Variants in ROBO2 observed in about 807,000 individuals in gnomAD.
ROBO2 encodes the protein roundabout guidance receptor 2.
In ROBO2, 53 loss-of-function variants were observed where a neutral mutation model predicts 160.8. That is an observed-to-expected ratio of 0.33 (90% CI 0.26 to 0.41). ROBO2 has a LOEUF of 0.41. ROBO2 is among the 10% of genes least tolerant of loss of function. The pLI is 1.00. For missense variants in ROBO2, 1,577 were observed against 1,722.4 expected, an observed-to-expected ratio of 0.92 and a Z score of 1.49; for synonymous variants, 664 against 611.7, an observed-to-expected ratio of 1.09 and a Z score of -1.26.
At chr3:76,913,352 TAA>T (rs2076107824) in intron 2 of ROBO2, among the ~76,000 whole-genome samples, 1 of 152,204 alleles carries the variant, frequency 6.6e-6, no homozygotes, top group Non-Finnish European at 1.5e-5. Context: ...CAAGCCATTC[TAA>T]GGGCATAGCA....
exon 14 of ROBO2, chr3:77,574,575 C>T (rs1220003348): frequency 1.9e-6 from 3 of 1,613,422 alleles, no homozygotes; most frequent in Non-Finnish European, 2.5e-6. Context: ...GCGACATCTT[C>T]GTGGCAGAAT....
intron 2 of ROBO2, among the ~76,000 whole-genome samples, chr3:76,889,297 A>G (rs193016565): frequency 3.3e-5 from 5 of 152,348 alleles, no homozygotes; most frequent in Admixed American, 2.6e-4. Flanking sequence ...GATTCAAAAT[A>G]TAGGCATTAT....
chr3:76,078,759 T>TA (rs2068724432), intron 2 of ROBO2, among the ~76,000 whole-genome samples: 1 of 152,140 alleles, frequency 6.6e-6, no homozygotes, highest in Admixed American at 6.5e-5. Flanking sequence ...AAGCTTGCCA[T>TA]ATGTAATTGG....
At chr3:76,753,421 T>C (rs2060789408) in intron 2 of ROBO2, among the ~76,000 whole-genome samples, 1 of 151,898 alleles carries the variant, frequency 6.6e-6, no homozygotes, top group South Asian at 2.1e-4. Flanking sequence ...CAATAATGTA[T>C]GAATCCAATA....
In ROBO2 at chr3:77,636,580, A is replaced by AG. The variant is rs2095267649; in HGVS notation, c.3934+1538dup. ...GCACTCCAGCCTGGGCAACAGAGCA[A>AG]GACTCCTTCTTAAAAAAAAAAAGAA... On this transcript the variant is annotated intron_variant, in intron 24 of 25. Coordinates refer to ENST00000461745, the Ensembl canonical transcript of ROBO2. 2.6e-5 allele frequency among the ~76,000 whole-genome samples: 4 copies of AG among 152,220 alleles called. No individual in the cohort carries two copies. The South Asian group carries it at 8.3e-4, about 32-fold the overall frequency.
At chr3:77,607,903 C>A in exon 21 of ROBO2, 2 of 1,613,952 alleles carry the variant, frequency 1.2e-6, no homozygotes, top group East Asian at 4.5e-5. Flanking sequence ...CCAGTCCAGC[C>A]CCTTCCTGGC....
intron 2 of ROBO2, among the ~76,000 whole-genome samples, chr3:76,669,047 T>C (rs2092163381): frequency 1.3e-5 from 2 of 152,054 alleles, no homozygotes; most frequent in African/African-American, 4.8e-5. Context: ...CAAGAAGATA[T>C]TGTACTCTTT....
At chr3:76,877,103 T>C (rs1316087638) in intron 2 of ROBO2, among the ~76,000 whole-genome samples, 2 of 152,224 alleles carry the variant, frequency 1.3e-5, no homozygotes, top group African/African-American at 4.8e-5. Context: ...ATTACACAAA[T>C]GTTTTGTACA....
intron 2 of ROBO2, among the ~76,000 whole-genome samples, chr3:77,410,980 T>C (rs1289537228): frequency 1.3e-5 from 2 of 152,012 alleles, no homozygotes; most frequent in Non-Finnish European, 2.9e-5. Context: ...TTTTTAAAAA[T>C]GTTTTGCAGA....
intron 2 of ROBO2, among the ~76,000 whole-genome samples, chr3:77,411,096 C>A (rs2076764750): frequency 6.6e-6 from 1 of 152,132 alleles, no homozygotes; most frequent in Non-Finnish European, 1.5e-5. Context: ...GCATGAGCTA[C>A]CACAAACAGC....
chr3:76,932,411 C>CTTAGAA (rs1322948485), intron 2 of ROBO2, among the ~76,000 whole-genome samples: 1 of 141,182 alleles, frequency 7.1e-6, no homozygotes, highest in African/African-American at 2.6e-5. Context: ...TGATTGCATG[C>CTTAGAA]ATATGTTTAG....
chr3:77,228,677 T>C (rs2086789626), intron 2 of ROBO2, among the ~76,000 whole-genome samples: 1 of 152,028 alleles, frequency 6.6e-6, no homozygotes, highest in South Asian at 2.1e-4. Flanking sequence ...ACATGGCACA[T>C]GTATACCTAT....
intron 1 of ROBO2, among the ~76,000 whole-genome samples, chr3:77,089,698 A>G (rs2150007032): frequency 6.6e-6 from 1 of 152,334 alleles, no homozygotes; most frequent in South Asian, 2.1e-4. Context: ...GCAAATTTCA[A>G]ATGGATAAAA....
At chr3:76,875,948 C>G (rs923613606) in intron 2 of ROBO2, among the ~76,000 whole-genome samples, 12 of 152,070 alleles carry the variant, frequency 7.9e-5, no homozygotes, top group African/African-American at 2.9e-4. Flanking sequence ...GCTACCACAC[C>G]TAGCCCTGCC....
At chr3:77,187,075 G>A (rs2081352324) in intron 2 of ROBO2, among the ~76,000 whole-genome samples, 1 of 151,940 alleles carries the variant, frequency 6.6e-6, no homozygotes, top group South Asian at 2.1e-4. Context: ...GAAGACAAAT[G>A]AAAACGAAGA....
chr3:76,450,755 A>G (rs2077431231), intron 2 of ROBO2, among the ~76,000 whole-genome samples: 2 of 152,202 alleles, frequency 1.3e-5, no homozygotes, highest in African/African-American at 4.8e-5. Context: ...AACACTAAAA[A>G]AATTTGCAAA....
At chr3:77,360,928 G>T (rs1161085869) in intron 2 of ROBO2, among the ~76,000 whole-genome samples, 1 of 150,884 alleles carries the variant, frequency 6.6e-6, no homozygotes, top group African/African-American at 2.4e-5. Context: ...TTAGTTTCTT[G>T]TTGGTAGTGA....
intron 2 of ROBO2, among the ~76,000 whole-genome samples, chr3:77,366,302 C>T (rs572938329): frequency 3.8e-4 from 58 of 152,136 alleles, no homozygotes; most frequent in African/African-American, 1.2e-3. Flanking sequence ...AAACCTATTC[C>T]TCAATTTGAT....
At position 76,467,661 on chromosome 3, in the gene ROBO2, C is replaced by A. The variant is rs532358029; in HGVS notation, c.109+530059C>A. Among the ~76,000 whole-genome samples the A allele has an allele frequency of 2.0e-5, 3 of 152,148 alleles. No homozygotes were observed. The East Asian group carries it at 5.8e-4, about 29-fold the overall frequency. Reference sequence around the variant, plus strand: ...AAGTTCTATCTAGCTGGTGTCATTACAAGATGGAGGAAGGAAGCCTGAAGT... The same window carrying A: ...AAGTTCTATCTAGCTGGTGTCATTAAAAGATGGAGGAAGGAAGCCTGAAGT... On this transcript the variant is annotated intron_variant, in intron 2 of 26. Coordinates refer to the ROBO2 transcript ENST00000487694.
Sources: allele counts gnomAD v4.1 joint callset (sites outside exome capture counted in the v4.1 genomes callset), GRCh38; gene constraint gnomAD v4.1.1; transcripts MANE v1.5; gene names NCBI Gene and HGNC (gene_info 2026-07-23, HGNC 2026-07-21).